Variants in EBP observed in about 807,000 individuals in gnomAD.
The protein encoded by EBP is 3-beta-hydroxysteroid-Delta(8),Delta(7)-isomerase.
Under a neutral mutation model 14.1 loss-of-function variants are expected in EBP, and 1 was observed. The ratio of observed to expected loss-of-function variants is 0.07; its 90% CI spans 0.03 to 0.34. The LOEUF (loss-of-function observed/expected upper bound fraction) is 0.34. EBP is among the 10% of genes least tolerant of loss of function. The pLI, the probability that EBP is intolerant of heterozygous loss-of-function variation, is 0.99. For synonymous variants in EBP, 72 were observed against 77.7 expected, an observed-to-expected ratio of 0.93 and a Z score of 0.38; for missense variants, 123 against 184.6, an observed-to-expected ratio of 0.67 and a Z score of 1.93.
intron 1 of EBP, 96 bp downstream of exon 1, chrX:48,522,003 G>GCCT (rs1556976651): frequency 2.7e-4 from 23 of 86,590 alleles, no homozygotes; most frequent in African/African-American, 1.0e-3. Context: ...TTTGCCACCC[G>GCCT]CCCCCCCCAC....
intron 2 of EBP, among the ~76,000 whole-genome samples, chrX:48,526,621 C>T (rs1416047741): frequency 4.5e-5 from 5 of 111,036 alleles, no homozygotes; most frequent in Non-Finnish European, 9.5e-5. Context: ...CATGAGCCAT[C>T]GTGCCCGGCG....
chrX:48,526,384 C>T (rs1299289950), intron 2 of EBP, among the ~76,000 whole-genome samples: 5 of 97,190 alleles, frequency 5.1e-5, no homozygotes, highest in African/African-American at 1.9e-4. Flanking sequence ...ACCCTGTTGT[C>T]CAGGCTGAGC....
rs2061770494 is a variant in EBP at position 48,523,697 on chromosome X, AG to A, written c.-73del. The A allele has an allele frequency of 1.0e-6, 1 of 990,325 alleles. No individual in the cohort carries two copies. Among genetic ancestry groups the A allele is most frequent in the African/African-American group, 2.0e-5 (1 of 49,399 alleles). The allele number at this position is 990,325 out of a possible 1,213,427, so 81.6% of individuals were successfully genotyped here. On this transcript the variant is annotated splice_acceptor_variant, in intron 1 of 4. Transcript: ENST00000495186. LOFTEE classifies it low-confidence loss of function (5UTR_SPLICE). ...CTCATTCTGTACTTTCTATTTGTCC[AG>A]GTTTTTCTGTTCCTTTTTTTTTTTT...
At chrX:48,526,287 A>G (rs1220954329) in intron 2 of EBP, among the ~76,000 whole-genome samples, 1 of 109,265 alleles carries the variant, frequency 9.2e-6, no homozygotes, top group African/African-American at 3.3e-5. Flanking sequence ...CTCTTTGTGA[A>G]GAACCTATTC....
At chrX:48,527,073 G>T in intron 3 of EBP, 48 bp downstream of exon 3, 1 of 1,211,272 alleles carries the variant, frequency 8.3e-7, no homozygotes, top group Non-Finnish European at 1.1e-6. Flanking sequence ...TTTTCGGGGG[G>T]TGGTGAGTTG....
In EBP at chrX:48,523,946, G is replaced by C; in HGVS notation, c.175G>C (p.Gly59Arg). Residue 59 changes from glycine to arginine, a missense_variant, in exon 2 of 5, where the codon GGG becomes CGG. Gly to Arg is a moderately radical substitution (Grantham distance 125, BLOSUM62 -2). Coordinates refer to ENST00000495186, the MANE Select transcript of EBP (RefSeq NM_006579.3). Reference protein sequence around the residue: ...LSGRAAVVPLGTWRRLSLCWF... With the variant: ...LSGRAAVVPLRTWRRLSLCWF... Reference sequence around the variant, plus strand: ...AGGTCGTGCTGCGGTTGTCCCATTGGGGACTTGGCGGCGACTGTCCCTGTG... The same window carrying C: ...AGGTCGTGCTGCGGTTGTCCCATTGCGGACTTGGCGGCGACTGTCCCTGTG... 8.3e-7 allele frequency: 1 copy of C among 1,211,460 alleles called. No individual in the cohort carries two copies. Among genetic ancestry groups the C allele is most frequent in the Non-Finnish European group, 1.1e-6 (1 of 895,473 alleles).
At chrX:48,527,323 G>A (rs909314502) in intron 4 of EBP, 38 bp downstream of exon 4, 5 of 1,209,100 alleles carry the variant, frequency 4.1e-6, no homozygotes, top group Non-Finnish European at 5.6e-6. Context: ...GGGCACTAGA[G>A]GGGTTGATGG....
rs782325489 is a variant in EBP at position 48,527,056 on chromosome X, G to A, written c.338+31G>A. The stretch of plus-strand genomic sequence containing the variant: ...TGTTTGCCTCTGTCAATGGAGACTG[G>A]CATTGGTTTTCGGGGGGTGGTGAGT... On this transcript the variant is annotated intron_variant, in intron 3 of 4. Coordinates refer to ENST00000495186, the MANE Select transcript of EBP (RefSeq NM_006579.3). 1.4e-5 allele frequency: 17 copies of A among 1,211,653 alleles called. No homozygotes were observed. The South Asian group carries it at 2.8e-4, about 20-fold the overall frequency.
At position 48,528,127 on chromosome X, in the gene EBP, A is replaced by G. The variant is rs1173152756; in HGVS notation, c.470-107A>G. 3 of 617,569 alleles carry G rather than the reference A, an allele frequency of 4.9e-6. No individual in the cohort carries two copies. The East Asian group carries it at 1.1e-4, about 22-fold the overall frequency. 50.9% of individuals were successfully genotyped at this position (617,569 alleles called of 1,213,427 possible). ...TCAGCTCTGTGATTTCAGAATACTT[A>G]GCTCTGAGACCTTGAATGATGACTT... On this transcript the variant is annotated intron_variant, in intron 4 of 4. Transcript: ENST00000495186.
intron 1 of EBP, among the ~76,000 whole-genome samples, chrX:48,522,493 C>G (rs1264932701): frequency 9.0e-6 from 1 of 111,024 alleles, no homozygotes; most frequent in Non-Finnish European, 1.9e-5. Context: ...TCTCCCTCGC[C>G]AGACTGTGAC....
At chrX:48,523,335 G>A (rs1602088109) in intron 1 of EBP, among the ~76,000 whole-genome samples, 1 of 110,553 alleles carries the variant, frequency 9.0e-6, no homozygotes, top group South Asian at 3.7e-4. Flanking sequence ...CGGGCGGATC[G>A]TGAGGTCAGG....
intron 2 of EBP, among the ~76,000 whole-genome samples, chrX:48,525,694 G>A (rs2061776802): frequency 9.1e-6 from 1 of 109,499 alleles, no homozygotes; most frequent in African/African-American, 3.3e-5. Context: ...TTTTAATGAG[G>A]TCACTCCTCA....
Position 48,528,459 on chromosome X carries a change from G to C in EBP, c.*2G>C. On this transcript the variant is annotated 3_prime_UTR_variant, in exon 5 of 5. Coordinates refer to ENST00000495186, the MANE Select transcript of EBP (RefSeq NM_006579.3). ...AAAGCCAAGAGCAAGAAGAACTGAG[G>C]AGTGGTGGACCAGGCTCGAACACTG... The C allele has an allele frequency of 1.7e-6, 2 of 1,164,240 alleles. No homozygotes were observed. Among genetic ancestry groups the C allele is most frequent in the Non-Finnish European group, 2.3e-6 (2 of 871,092 alleles).
At position 48,528,218 on chromosome X, in the gene EBP, C is replaced by T; in HGVS notation, c.470-16C>T. 2 of 1,201,744 alleles carry T rather than the reference C, an allele frequency of 1.7e-6. No homozygotes were observed. Among genetic ancestry groups the T allele is most frequent in the Non-Finnish European group, 2.3e-6 (2 of 887,941 alleles). On this transcript the variant is annotated splice_polypyrimidine_tract_variant and intron_variant, in intron 4 of 4. Coordinates refer to ENST00000495186, the MANE Select transcript of EBP (RefSeq NM_006579.3). ...TTCCTCACTGGGGCTTCTCCTTCCC[C>T]TCCTGCCACCCACAGGCCAGATCTA...
At position 48,528,397 on chromosome X, in the gene EBP, C is replaced by T; in HGVS notation, c.633C>T (p.Leu211=). The T allele has an allele frequency of 1.7e-6, 2 of 1,181,918 alleles. No individual in the cohort carries two copies. The highest frequency in any genetic ancestry group is 2.3e-6 in the Non-Finnish European group (2 of 879,779). ...TTGTGCTTGATGCTGTGAAGCACCTCACTCATGCCCAGAGCACGCTGGATG... is the reference window on the plus strand; with the variant it reads ...TTGTGCTTGATGCTGTGAAGCACCTTACTCATGCCCAGAGCACGCTGGATG... ...GVLVLDAVKH[L]THAQSTLDAK... Residue 211 remains leucine (L), a synonymous_variant, in exon 5 of 5, where the codon CTC becomes CTT. Transcript: ENST00000495186.
chrX:48,527,559 C>A (rs1602090826), intron 4 of EBP: 3 of 393,879 alleles, frequency 7.6e-6, no homozygotes, highest in Non-Finnish European at 1.3e-5. Flanking sequence ...TGGCAAGAAG[C>A]CCCTGGAACC....
chrX:48,524,134 A>G, intron 2 of EBP, 62 bp downstream of exon 2: 1 of 1,016,979 alleles, frequency 9.8e-7, no homozygotes, highest in Non-Finnish European at 1.4e-6. Flanking sequence ...ATCGGCTTGC[A>G]TGTTTACCTA....
chrX:48,527,459 C>T, intron 4 of EBP, 174 bp downstream of exon 4: 1 of 733,795 alleles, frequency 1.4e-6, no homozygotes, highest in Admixed American at 3.0e-5. Context: ...TCTGAGCCTG[C>T]ACTCTCAGGT....
At chrX:48,526,966 T>C in intron 2 of EBP, 23 bp from the exon 3 acceptor site, 2 of 1,210,419 alleles carry the variant, frequency 1.7e-6, no homozygotes, top group Non-Finnish European at 2.2e-6. Context: ...TTATTCTTCA[T>C]ATCTCTCTCT....
Sources: allele counts gnomAD v4.1 joint callset (sites outside exome capture counted in the v4.1 genomes callset), GRCh38; gene constraint gnomAD v4.1.1; transcripts MANE v1.5; gene names NCBI Gene and HGNC (gene_info 2026-07-23, HGNC 2026-07-21).